RASSF6: variants seen among roughly 807,000 people sequenced by gnomAD.
RASSF6 encodes ras association domain-containing protein 6.
A neutral mutation model predicts 44.0 loss-of-function variants in RASSF6; 52 were observed. The ratio of observed to expected loss-of-function variants is 1.18; its 90% CI spans 0.95 to 1.49. The LOEUF (loss-of-function observed/expected upper bound fraction) is 1.49, where lower values mean the gene tolerates loss of function less well. Among genes scored for constraint, RASSF6 ranks in the 40% most tolerant of loss-of-function variants. The probability of loss-of-function intolerance (pLI) is 0.00; values close to 1 mark genes in which losing one functional copy is unlikely to be tolerated. For missense variants in RASSF6, 464 were observed against 393.3 expected (o/e 1.18, Z -1.52); for synonymous variants, 162 against 124.6 (o/e 1.30, Z -2.00).
chr4:73,604,603 A>G (rs1312445965), intron 2 of RASSF6: 3 of 152,254 alleles, frequency 2.0e-5, no homozygotes, highest in Non-Finnish European at 4.4e-5. Flanking sequence ...GAAGAAAAGG[A>G]TAGTGCTAAT....
chr4:73,607,005 C>T (rs915788848), intron 2 of RASSF6, among the ~76,000 whole-genome samples: 3 of 152,128 alleles, frequency 2.0e-5, no homozygotes, highest in Admixed American at 6.5e-5. Context: ...CACACAGGCT[C>T]TTACACTCAC....
At chr4:73,584,854 G>C (rs1183058593) in intron 6 of RASSF6, among the ~76,000 whole-genome samples, 1 of 152,036 alleles carries the variant, frequency 6.6e-6, no homozygotes, top group South Asian at 2.1e-4. Context: ...ACAAAGCTGG[G>C]TTCAGGTTGA....
upstream of RASSF6, chr4:73,620,547 G>A (rs1247590): frequency 1 from 1,393,502 of 1,397,310 alleles, 694,918 homozygotes; most frequent in East Asian, 1. Flanking sequence ...CAGCGATCCT[G>A]GAGCCCCAGG....
In RASSF6 at chr4:73,575,479, G is replaced by A. The variant is rs1396384642; in HGVS notation, c.*756C>T. The A allele has an allele frequency of 6.6e-6, 1 of 151,750 alleles. No homozygotes were observed. The highest frequency in any genetic ancestry group is 2.4e-5 in the African/African-American group (1 of 41,258). The allele number at this position is 151,750 out of a possible 1,614,324, so 9.4% of individuals were successfully genotyped here. A position where few individuals can be genotyped will look rare whatever the true frequency, so the allele number is the denominator to read the frequency against. On this transcript the variant is annotated 3_prime_UTR_variant, in exon 11 of 11. Transcript: ENST00000307439. ...TATTTGTGGGCCAAGTCTTACTTTA[G>A]CCGATGTAATATGTCTATGTGATAT...
chr4:73,588,434 C>T (rs180863486), intron 4 of RASSF6, among the ~76,000 whole-genome samples: 66 of 151,914 alleles, frequency 4.3e-4, no homozygotes, highest in African/African-American at 1.4e-3. Flanking sequence ...ATGTAGTTTA[C>T]GAAGGAGGAA....
Position 73,574,711 on chromosome 4 carries a change from T to C in RASSF6, c.*1524A>G, listed in dbSNP as rs1051923330. ...GTTCACTGTTAAGATACGACTTTTT[T>C]CATATACTTAGTGGCCATTTGCATT... On this transcript the variant is annotated 3_prime_UTR_variant, in exon 11 of 11. Transcript: ENST00000307439. 2 of 152,188 alleles carry C rather than the reference T, an allele frequency of 1.3e-5. No homozygotes were observed. The highest frequency in any genetic ancestry group is 1.3e-4 in the Admixed American group (2 of 15,270). The allele number at this position is 152,188 out of a possible 1,614,324, so 9.4% of individuals were successfully genotyped here. A position where few individuals can be genotyped will look rare whatever the true frequency, so the allele number is the denominator to read the frequency against.
At chr4:73,590,043 A>T (rs1047070632) in intron 4 of RASSF6, among the ~76,000 whole-genome samples, 1 of 152,222 alleles carries the variant, frequency 6.6e-6, no homozygotes, top group Non-Finnish European at 1.5e-5. Flanking sequence ...CAGATGTGAA[A>T]AATAGCATAA....
rs9997572 is a variant in RASSF6, at chr4:73,573,271, T to C, written c.*2964A>G. ...CCTCCCGAGTAGCTGGCATTATAGG[T>C]GCCTGCCATTGCACCCGGCTCATTT... On this transcript the variant is annotated 3_prime_UTR_variant, in exon 11 of 11. Transcript: ENST00000307439. 0.71 allele frequency: 108,546 copies of C among 151,836 alleles called. 39,103 individuals carry two copies. Among genetic ancestry groups the C allele is most frequent in the East Asian group, 0.89 (4,588 of 5,162 alleles). The allele number at this position is 151,836 out of a possible 1,614,324, so 9.4% of individuals were successfully genotyped here. A position where few individuals can be genotyped will look rare whatever the true frequency, so the allele number is the denominator to read the frequency against.
At chr4:73,595,216 A>T (rs1724848597) in intron 3 of RASSF6, among the ~76,000 whole-genome samples, 1 of 152,166 alleles carries the variant, frequency 6.6e-6, no homozygotes, top group Admixed American at 6.5e-5. Context: ...TGTGTGTGTG[A>T]CAGAGTCTCG....
Position 73,593,313 on chromosome 4 carries a change from G to C in RASSF6, c.287+138C>G. On this transcript the variant is annotated intron_variant, in intron 4 of 10. Transcript: ENST00000307439. ...TTACAGGTGTGAGCCACCGTGCCCG[G>C]CCATTGCTGGGAAATTAAATGAGAT... is the stretch of plus-strand genomic sequence containing the variant. 5 of 870,990 alleles carry C rather than the reference G, an allele frequency of 5.7e-6. No homozygotes were observed. The South Asian group carries it at 1.0e-4, about 18-fold the overall frequency. The allele number at this position is 870,990 out of a possible 1,614,324, so 54.0% of individuals were successfully genotyped here.
chr4:73,603,515 GTCCTGT>G (rs150663025), intron 2 of RASSF6, among the ~76,000 whole-genome samples: 2,989 of 152,138 alleles, frequency 0.02, 44 homozygotes, highest in Non-Finnish European at 0.03. Flanking sequence ...GGATCCCAGG[GTCCTGT>G]TCCTTTAAGG....
In RASSF6 at chr4:73,620,414, G is replaced by A. The variant is rs1443034060; in HGVS notation, c.-161C>T. 1 of 1,541,944 alleles carries A rather than the reference G, an allele frequency of 6.5e-7. No homozygotes were observed. Among genetic ancestry groups the A allele is most frequent in the Non-Finnish European group, 8.7e-7 (1 of 1,143,226 alleles). ...GGAAACCAGTGCCCTGTCTCTGCCG[G>A]GCTGGGACTCCGCGAGTCACTCACC... is the stretch of plus-strand genomic sequence containing the variant. On this transcript the variant is annotated 5_prime_UTR_variant, in exon 1 of 11. Transcript: ENST00000307439.
chr4:73,604,107 C>G (rs549449762), intron 2 of RASSF6: 1 of 152,292 alleles, frequency 6.6e-6, no homozygotes, highest in African/African-American at 2.4e-5. Context: ...CCTGGCTGTG[C>G]TTCCTGAGTT....
At chr4:73,591,180 A>G (rs896089645) in intron 4 of RASSF6, among the ~76,000 whole-genome samples, 1 of 152,248 alleles carries the variant, frequency 6.6e-6, no homozygotes, top group Non-Finnish European at 1.5e-5. Flanking sequence ...ATTTGAGATG[A>G]TTGATATGTT....
At chr4:73,608,357 T>C (rs963059576) in intron 2 of RASSF6, among the ~76,000 whole-genome samples, 2 of 152,118 alleles carry the variant, frequency 1.3e-5, no homozygotes, top group African/African-American at 4.8e-5. Context: ...TATTAAGTCA[T>C]ATTGATATGC....
At chr4:73,614,101 T>C (rs1252993115) in intron 1 of RASSF6, among the ~76,000 whole-genome samples, 4 of 152,192 alleles carry the variant, frequency 2.6e-5, no homozygotes, top group Non-Finnish European at 5.9e-5. Flanking sequence ...TAATATTTAG[T>C]CTCATTTTTT....
chr4:73,601,602 A>G (rs1725281676), intron 2 of RASSF6, among the ~76,000 whole-genome samples: 1 of 152,252 alleles, frequency 6.6e-6, no homozygotes, highest in Non-Finnish European at 1.5e-5. Flanking sequence ...GTGGTGCAAT[A>G]CAAAGCAAGG....
At chr4:73,611,418 T>A (rs13142786) in intron 2 of RASSF6, among the ~76,000 whole-genome samples, 74,445 of 151,924 alleles carry the variant, frequency 0.49, 18,625 homozygotes, top group East Asian at 0.69. Flanking sequence ...GGTTAATTCT[T>A]TAGAACTATC....
intron 1 of RASSF6, among the ~76,000 whole-genome samples, chr4:73,619,719 A>T (rs1005642740): frequency 1.3e-5 from 2 of 151,564 alleles, no homozygotes; most frequent in African/African-American, 4.9e-5. Context: ...CATATCCTTA[A>T]CTCATGCACT....
Sources: gnomAD v4.1 joint callset for allele counts (sites outside exome capture counted in the v4.1 genomes callset) on GRCh38, gnomAD v4.1.1 for gene constraint, MANE v1.5 for transcripts, NCBI Gene and HGNC (gene_info 2026-07-23, HGNC 2026-07-21) for gene names.